DYRK1A: variants seen among roughly 807,000 people sequenced by gnomAD.
The protein encoded by DYRK1A is dual specificity tyrosine phosphorylation regulated kinase 1A, also known as dual specificity tyrosine-phosphorylation-regulated kinase 1A.
DYRK1A carries 9 observed loss-of-function variants against 79.7 expected under a neutral mutation model. The observed-to-expected ratio is 0.11, with a 90% CI of 0.07 to 0.20. DYRK1A has a LOEUF of 0.20. Ranked by LOEUF, DYRK1A falls within the 10% of genes least tolerant of loss-of-function variation. The pLI, the probability that DYRK1A is intolerant of heterozygous loss-of-function variation, is 1.00. For missense variants in DYRK1A, 622 were observed against 956.0 expected (o/e 0.65, Z 4.61); for synonymous variants, 349 against 329.7 (o/e 1.06, Z -0.63).
At chr21:37,457,461 T>C (rs1471708331) in intron 2 of DYRK1A, among the ~76,000 whole-genome samples, 1 of 152,168 alleles carries the variant, frequency 6.6e-6, no homozygotes, top group Non-Finnish European at 1.5e-5. Flanking sequence ...GGTCTCGAAC[T>C]CCTCGCCTCA....
intron 1 of DYRK1A, among the ~76,000 whole-genome samples, chr21:37,409,753 C>T (rs1244209611): frequency 2.0e-5 from 3 of 151,994 alleles, no homozygotes; most frequent in Admixed American, 6.6e-5. Context: ...ATGCTTTCTT[C>T]GAGTGTTTTC....
intron 11 of DYRK1A, among the ~76,000 whole-genome samples, chr21:37,507,181 A>C (rs920221316): frequency 1.3e-5 from 2 of 152,162 alleles, no homozygotes; most frequent in Non-Finnish European, 2.9e-5. Flanking sequence ...CTATGTGTGC[A>C]CTGTCCACTT....
intron 2 of DYRK1A, among the ~76,000 whole-genome samples, chr21:37,439,389 T>C (rs2051022216): frequency 6.6e-6 from 1 of 152,242 alleles, no homozygotes; most frequent in East Asian, 1.9e-4. Flanking sequence ...TTCTGTTTTG[T>C]TCTTTATGTT....
rs775072206 is a variant in DYRK1A at position 37,506,288 on chromosome 21, G to T, written c.1644+65G>T. On this transcript the variant is annotated intron_variant, in intron 11 of 11. Transcript: ENST00000647188. ...ATTCTCAGGTGGAGCAGCACTGGAT[G>T]CCAGGTGCCTTTAGAATGACCGTAT... The T allele has an allele frequency of 1.9e-6, 3 of 1,613,164 alleles. No homozygotes were observed. The Admixed American group carries it at 5.0e-5, about 27-fold the overall frequency.
chr21:37,459,747 T>C (rs530266349), intron 2 of DYRK1A, among the ~76,000 whole-genome samples: 4 of 152,340 alleles, frequency 2.6e-5, no homozygotes, highest in Admixed American at 2.0e-4. Context: ...TTGTTGTTTC[T>C]TGTGTTGTTA....
At chr21:37,396,771 G>T (rs1476091263) in intron 1 of DYRK1A, among the ~76,000 whole-genome samples, 1 of 152,122 alleles carries the variant, frequency 6.6e-6, no homozygotes, top group Non-Finnish European at 1.5e-5. Flanking sequence ...GAACACATTA[G>T]AATGTCCTCA....
At chr21:37,451,149 G>A (rs545619592) in intron 2 of DYRK1A, among the ~76,000 whole-genome samples, 30 of 152,274 alleles carry the variant, frequency 2.0e-4, no homozygotes, top group South Asian at 1.9e-3. Context: ...AGTGTTTTAA[G>A]CTGTTATTAC....
At position 37,472,815 on chromosome 21, in the gene DYRK1A, A is replaced by C. The variant is rs1284054066; in HGVS notation, c.142A>C (p.Ile48Leu). Residue 48 changes from isoleucine (I) to leucine (L), a missense_variant, in exon 3 of 12, where the codon ATA becomes CTA. By Grantham distance (5) the Ile-to-Leu change is conservative. Transcript: ENST00000647188. ...HQYSDRRQPN[I>L]SDQQVSALSY... The stretch of plus-strand genomic sequence containing the variant: ...GTACAGTGACCGTCGCCAGCCAAAC[A>C]TAAGTGACCAACAGGTTTCTGCCTT... The C allele has an allele frequency of 6.2e-7, 1 of 1,609,740 alleles. No individual in the cohort carries two copies. The highest frequency in any genetic ancestry group is 2.2e-5 in the East Asian group (1 of 44,792).
chr21:37,420,349 G>A lies in DYRK1A; in HGVS notation c.-26G>A. On this transcript the variant is annotated 5_prime_UTR_variant, in exon 2 of 12. Coordinates refer to ENST00000647188, the MANE Select transcript of DYRK1A (RefSeq NM_001347721.2). ...TCCCTCCCTTCCCCCACCCCATCAG[G>A]ATGATATGAGACTTGAAAGAAGACG... is the stretch of plus-strand genomic sequence containing the variant. 8 of 1,610,998 alleles carry A rather than the reference G, an allele frequency of 5.0e-6. No individual in the cohort carries two copies. Among genetic ancestry groups the A allele is most frequent in the Non-Finnish European group, 6.8e-6 (8 of 1,178,100 alleles).
intron 11 of DYRK1A, among the ~76,000 whole-genome samples, chr21:37,509,162 G>T (rs1283430417): frequency 6.6e-6 from 1 of 152,112 alleles, no homozygotes; most frequent in African/African-American, 2.4e-5. Context: ...TTCTAAACCA[G>T]TGTTATTAGT....
intron 1 of DYRK1A, among the ~76,000 whole-genome samples, chr21:37,382,674 C>A (rs118030457): frequency 0.01 from 1,591 of 152,200 alleles, 22 homozygotes; most frequent in Middle Eastern, 0.027. Context: ...TATTTAGTAA[C>A]AGTAACAATA....
chr21:37,478,174 A>G lies in DYRK1A; in HGVS notation c.208-34A>G, dbSNP rs201001986. The G allele has an allele frequency of 1.2e-4, 197 of 1,613,596 alleles. No individual in the cohort carries two copies. The South Asian group carries it at 1.9e-3, about 16-fold the overall frequency. ...GTTAAAGTGCTAGTCTTTTCTGTCT[A>G]TTTAAGGTGATGCCTGATATTGTCA... On this transcript the variant is annotated intron_variant, in intron 3 of 11. Coordinates refer to ENST00000647188, the MANE Select transcript of DYRK1A (RefSeq NM_001347721.2).
intron 2 of DYRK1A, among the ~76,000 whole-genome samples, chr21:37,448,688 A>G (rs563661245): frequency 1.3e-5 from 2 of 152,090 alleles, no homozygotes; most frequent in Non-Finnish European, 2.9e-5. Context: ...AAGTATTTAA[A>G]ATTTTTTTTG....
At chr21:37,368,612 G>A (rs906242835) in intron 1 of DYRK1A, among the ~76,000 whole-genome samples, 6 of 152,130 alleles carry the variant, frequency 3.9e-5, no homozygotes, top group East Asian at 1.9e-4. Flanking sequence ...ACAAGTGCCA[G>A]GCTCTGTTTT....
intron 1 of DYRK1A, among the ~76,000 whole-genome samples, chr21:37,417,546 T>C (rs1405887785): frequency 3.2e-5 from 4 of 125,012 alleles, no homozygotes; most frequent in Non-Finnish European, 6.9e-5. Context: ...TTTTTTTTTT[T>C]TTTTTTTTAC....
At chr21:37,437,932 T>C (rs1039496681) in intron 2 of DYRK1A, among the ~76,000 whole-genome samples, 10 of 152,214 alleles carry the variant, frequency 6.6e-5, no homozygotes, top group Admixed American at 2.6e-4. Flanking sequence ...CTAAATGGTT[T>C]TACAAAGTAG....
intron 1 of DYRK1A, among the ~76,000 whole-genome samples, chr21:37,407,665 T>C (rs1486028941): frequency 6.6e-6 from 1 of 152,234 alleles, no homozygotes; most frequent in African/African-American, 2.4e-5. Flanking sequence ...TAACAAATTA[T>C]GTGTTAAATT....
At chr21:37,392,695 A>G (rs2049893548) in intron 1 of DYRK1A, among the ~76,000 whole-genome samples, 1 of 152,242 alleles carries the variant, frequency 6.6e-6, no homozygotes, top group Non-Finnish European at 1.5e-5. Flanking sequence ...GGCCTAATGT[A>G]GAAATTCTGT....
intron 2 of DYRK1A, among the ~76,000 whole-genome samples, chr21:37,437,833 A>G (rs980258099): frequency 1.3e-5 from 2 of 152,184 alleles, no homozygotes; most frequent in African/African-American, 4.8e-5. Flanking sequence ...AACTTTTTGT[A>G]TGGACATATG....
Sources: gnomAD v4.1 joint callset for allele counts (sites outside exome capture counted in the v4.1 genomes callset) on GRCh38, gnomAD v4.1.1 for gene constraint, MANE v1.5 for transcripts, NCBI Gene and HGNC (gene_info 2026-07-23, HGNC 2026-07-21) for gene names.